Variants in MYO18B observed in about 807,000 individuals in gnomAD.
The protein encoded by MYO18B is unconventional myosin-XVIIIb.
Under a neutral mutation model 273.0 loss-of-function variants are expected in MYO18B, and 204 were observed. The ratio of observed to expected loss-of-function variants is 0.75; its 90% CI spans 0.67 to 0.84. The LOEUF is 0.84. MYO18B is among the 40% of genes least tolerant of loss of function. The pLI is 0.00. For synonymous variants in MYO18B, 1,330 were observed against 1,305.7 expected (o/e 1.02, Z -0.40); for missense variants, 3,212 against 3,287.6 (o/e 0.98, Z 0.56).
At chr22:25,792,267 T>C (rs1393055920) in intron 11 of MYO18B, among the ~76,000 whole-genome samples, 1 of 152,116 alleles carries the variant, frequency 6.6e-6, no homozygotes, top group Non-Finnish European at 1.5e-5. Flanking sequence ...GCCTGCCTCG[T>C]GGGGAAAAAG....
chr22:25,829,965 G>A (rs970931693), intron 15 of MYO18B, among the ~76,000 whole-genome samples: 2 of 152,114 alleles, frequency 1.3e-5, no homozygotes, highest in Non-Finnish European at 2.9e-5. Flanking sequence ...TATCACCCAC[G>A]TGAAAATGAG....
chr22:25,941,391 C>T (rs958315078), intron 34 of MYO18B, among the ~76,000 whole-genome samples: 1 of 152,152 alleles, frequency 6.6e-6, no homozygotes, highest in African/African-American at 2.4e-5. Context: ...ATAATTCTTC[C>T]CTGTCGCCTG....
chr22:25,809,497 A>G (rs1284890341), intron 12 of MYO18B, among the ~76,000 whole-genome samples: 1 of 152,176 alleles, frequency 6.6e-6, no homozygotes, highest in Non-Finnish European at 1.5e-5. Flanking sequence ...TTGCCAGTCT[A>G]CTTGCTGCTG....
chr22:25,817,798 C>G (rs979535989), intron 12 of MYO18B, among the ~76,000 whole-genome samples: 3 of 152,204 alleles, frequency 2.0e-5, no homozygotes, highest in African/African-American at 7.2e-5. Flanking sequence ...CAAGCAATGA[C>G]CAAATTGATA....
At chr22:25,959,326 G>T (rs553635624) in intron 39 of MYO18B, 2 of 147,738 alleles carry the variant, frequency 1.4e-5, no homozygotes, top group Non-Finnish European at 3.0e-5. Flanking sequence ...AGGCTGGAGT[G>T]CAGTGGCACA....
intron 39 of MYO18B, among the ~76,000 whole-genome samples, chr22:25,966,150 C>T (rs1263123348): frequency 6.6e-6 from 1 of 152,250 alleles, no homozygotes; most frequent in Non-Finnish European, 1.5e-5. Context: ...ACCTGCTCCT[C>T]TCTCCCTGTT....
chr22:25,875,461 G>A (rs1342323279), intron 23 of MYO18B, among the ~76,000 whole-genome samples: 2 of 152,216 alleles, frequency 1.3e-5, no homozygotes, highest in African/African-American at 4.8e-5. Flanking sequence ...TGGTGATGAG[G>A]GAAAAGCATC....
chr22:25,785,893 C>G (rs1168887214), intron 11 of MYO18B, among the ~76,000 whole-genome samples: 6 of 152,104 alleles, frequency 3.9e-5, no homozygotes, highest in South Asian at 2.1e-4. Flanking sequence ...ATGTGTATAA[C>G]GTGCTTAGAA....
At chr22:25,905,374 G>A (rs2092021131) in intron 31 of MYO18B, among the ~76,000 whole-genome samples, 1 of 152,184 alleles carries the variant, frequency 6.6e-6, no homozygotes, top group South Asian at 2.1e-4. Context: ...TCTGCATCAT[G>A]CACTCTGTGG....
rs1395314902 is a variant in MYO18B at position 25,985,257 on chromosome 22, G to A, written c.6157-7106G>A. Among the ~76,000 whole-genome samples the A allele has an allele frequency of 5.3e-5, 8 of 152,148 alleles. 1 individual carries two copies. Among genetic ancestry groups the A allele is most frequent in the African/African-American group, 1.4e-4 (6 of 41,522 alleles). ...GTGCCTGTAATCCCAGCTGTTTGGG[G>A]GGCTGAGGCAGGAGAATTGCTTGAA... On this transcript the variant is annotated intron_variant, in intron 39 of 43. Coordinates refer to ENST00000335473, the MANE Select transcript of MYO18B (RefSeq NM_032608.7).
chr22:25,948,476 TTC>T (rs1491499188), intron 36 of MYO18B, among the ~76,000 whole-genome samples: 3 of 138,066 alleles, frequency 2.2e-5, no homozygotes, highest in African/African-American at 8.1e-5. Context: ...CTTTCTTTCT[TTC>T]TTTCTTTCTC....
intron 42 of MYO18B, among the ~76,000 whole-genome samples, chr22:26,018,678 C>T (rs928808756): frequency 3.9e-5 from 6 of 152,178 alleles, no homozygotes; most frequent in Non-Finnish European, 7.3e-5. Context: ...CATGGCCAGG[C>T]GTGGTTGCTC....
downstream of MYO18B, among the ~76,000 whole-genome samples, chr22:26,035,967 C>T (rs1177965637): frequency 1.3e-5 from 2 of 152,242 alleles, no homozygotes; most frequent in East Asian, 3.8e-4. Flanking sequence ...CAGGCCAACA[C>T]AGACCCAACC....
intron 40 of MYO18B, among the ~76,000 whole-genome samples, chr22:25,999,531 TCCTCCCCCTCTTCCC>T (rs1182577086): frequency 8.4e-5 from 2 of 23,902 alleles, no homozygotes; most frequent in South Asian, 3.0e-3. Flanking sequence ...CCCCTCCCCC[TCCTCCCCCTCTTCCC>T]CCTCCCCCTC....
intron 11 of MYO18B, among the ~76,000 whole-genome samples, chr22:25,790,444 C>T (rs867105488): frequency 1.3e-5 from 2 of 152,166 alleles, no homozygotes; most frequent in African/African-American, 4.8e-5. Context: ...CTCCAGTTAT[C>T]GTCTTTCCTG....
chr22:26,057,577 T>C, the MYO18B span, among the ~76,000 whole-genome samples: 1 of 152,064 alleles, frequency 6.6e-6, no homozygotes, highest in Non-Finnish European at 1.5e-5. Context: ...TTTACAAAGT[T>C]ATTCTTAACC....
intron 20 of MYO18B, among the ~76,000 whole-genome samples, chr22:25,850,418 A>G (rs1279180407): frequency 6.6e-6 from 1 of 152,074 alleles, no homozygotes; most frequent in Non-Finnish European, 1.5e-5. Flanking sequence ...TGTGTTGTGT[A>G]ACTAGGTGAA....
Position 25,745,301 on chromosome 22 carries a change from G to C in MYO18B, c.-110+3008G>C, listed in dbSNP as rs1475490845. ...ATTTTTATACTTTTTGTAGAGATGGGGTTTCACCATGTTGCCCAGTCTGGT... is the reference window on the plus strand; with the variant it reads ...ATTTTTATACTTTTTGTAGAGATGGCGTTTCACCATGTTGCCCAGTCTGGT... On this transcript the variant is annotated intron_variant, in intron 1 of 43. Coordinates refer to ENST00000335473, the MANE Select transcript of MYO18B (RefSeq NM_032608.7). Among the ~76,000 whole-genome samples the C allele has an allele frequency of 3.3e-5, 5 of 151,970 alleles. No individual in the cohort carries two copies. The East Asian group carries it at 5.8e-4, about 18-fold the overall frequency.
chr22:25,963,425 G>T (rs140220351), intron 39 of MYO18B, among the ~76,000 whole-genome samples: 4 of 151,230 alleles, frequency 2.6e-5, no homozygotes, highest in Admixed American at 6.6e-5. Flanking sequence ...GCATTCCTTG[G>T]CCTGTGGGCT....
Sources: gnomAD v4.1 joint callset for allele counts (sites outside exome capture counted in the v4.1 genomes callset) on GRCh38, gnomAD v4.1.1 for gene constraint, MANE v1.5 for transcripts, NCBI Gene and HGNC (gene_info 2026-07-23, HGNC 2026-07-21) for gene names.